MINDY3: variants seen among roughly 807,000 people sequenced by gnomAD.
The protein encoded by MINDY3 is MINDY lysine 48 deubiquitinase 3, also known as ubiquitin carboxyl-terminal hydrolase MINDY-3.
In MINDY3, 38 loss-of-function variants were observed where a neutral mutation model predicts 69.2. The ratio of observed to expected loss-of-function variants is 0.55; its 90% CI spans 0.42 to 0.72. MINDY3 has a LOEUF of 0.72. Among genes scored for constraint, MINDY3 ranks in the 30% least tolerant of loss-of-function variants. MINDY3 has a pLI of 0.00. For missense variants in MINDY3, 522 were observed against 519.0 expected, an observed-to-expected ratio of 1.01 and a Z score of -0.06; for synonymous variants, 192 against 180.1, an observed-to-expected ratio of 1.07 and a Z score of -0.53.
intron 11 of MINDY3, among the ~76,000 whole-genome samples, chr10:15,791,113 A>G (rs920951576): frequency 6.6e-5 from 10 of 152,304 alleles, no homozygotes; most frequent in Middle Eastern, 3.4e-3. Flanking sequence ...CCCGGTCAGT[A>G]ACTCTACATT....
chr10:15,796,562 A>AAAAT, intron 10 of MINDY3, among the ~76,000 whole-genome samples: 1 of 152,018 alleles, frequency 6.6e-6, no homozygotes, highest in East Asian at 1.9e-4. Flanking sequence ...AAGAAGAAAT[A>AAAAT]AAATATACTC....
intron 11 of MINDY3, among the ~76,000 whole-genome samples, chr10:15,793,999 T>A (rs2131872171): frequency 6.6e-6 from 1 of 152,206 alleles, no homozygotes; most frequent in Admixed American, 6.5e-5. Context: ...TAATTAGGAA[T>A]ATACCCACAG....
chr10:15,833,621 T>C lies in MINDY3; in HGVS notation c.730+9A>G, dbSNP rs769643453. ...TCAAAGAGAGCAACATAACAAGGAA[T>C]ATACTTACTCATTCCTGAGCACTCT... On this transcript the variant is annotated intron_variant, in intron 8 of 14. Coordinates refer to ENST00000277632, the MANE Select transcript of MINDY3 (RefSeq NM_024948.4). 2 of 1,532,022 alleles carry C rather than the reference T, an allele frequency of 1.3e-6. No homozygotes were observed. The highest frequency in any genetic ancestry group is 2.3e-5 in the East Asian group (1 of 44,318). The allele number at this position is 1,532,022 out of a possible 1,614,324, so 94.9% of individuals were successfully genotyped here. A position where few individuals can be genotyped will look rare whatever the true frequency, so the allele number is the denominator to read the frequency against.
At chr10:15,844,602 TG>T (rs1161577982) in intron 2 of MINDY3, among the ~76,000 whole-genome samples, 1 of 152,194 alleles carries the variant, frequency 6.6e-6, no homozygotes, top group Non-Finnish European at 1.5e-5. Flanking sequence ...GCAATTTTTT[TG>T]CTACTTTAAC....
Position 15,778,988 on chromosome 10 carries a change from C to T in MINDY3, c.*4G>A, listed in dbSNP as rs1295041758. On this transcript the variant is annotated 3_prime_UTR_variant, in exon 15 of 15. Coordinates refer to ENST00000277632, the MANE Select transcript of MINDY3 (RefSeq NM_024948.4). ...AAGATCTTCCTTATAAATACTTAGA[C>T]AAATTAATTTAGTGAAGGAGAGCGA... The T allele has an allele frequency of 2.5e-6, 4 of 1,611,294 alleles. No homozygotes were observed. Among genetic ancestry groups the T allele is most frequent in the Admixed American group, 1.7e-5 (1 of 59,712 alleles).
chr10:15,781,045 A>G (rs938387180), intron 14 of MINDY3, among the ~76,000 whole-genome samples: 2 of 152,158 alleles, frequency 1.3e-5, no homozygotes, highest in African/African-American at 4.8e-5. Context: ...AGTACCTCCT[A>G]TTACAAAGCT....
chr10:15,838,053 A>G, intron 5 of MINDY3, 175 bp downstream of exon 5: 2 of 983,122 alleles, frequency 2.0e-6, no homozygotes, highest in South Asian at 9.4e-5. Context: ...CATAGTTTAT[A>G]CATTTACAAA....
At chr10:15,782,025 T>G in intron 14 of MINDY3, 130 bp downstream of exon 14, 1 of 714,882 alleles carries the variant, frequency 1.4e-6, no homozygotes, top group Non-Finnish European at 2.4e-6. Flanking sequence ...TTCTAAAATG[T>G]GTCCTCATAG....
chr10:15,783,724 C>T (rs1054648181), intron 13 of MINDY3, among the ~76,000 whole-genome samples: 13 of 152,102 alleles, frequency 8.5e-5, no homozygotes, highest in African/African-American at 3.1e-4. Context: ...TTTTGTATCC[C>T]ACTCAAAATG....
At chr10:15,842,854 C>A (rs1175768737) in intron 3 of MINDY3, among the ~76,000 whole-genome samples, 5 of 130,908 alleles carry the variant, frequency 3.8e-5, no homozygotes, top group African/African-American at 1.4e-4. Context: ...CTAAAACATG[C>A]AGGAATATAA....
At chr10:15,780,155 A>G (rs1213064037) in intron 14 of MINDY3, among the ~76,000 whole-genome samples, 2 of 152,228 alleles carry the variant, frequency 1.3e-5, no homozygotes, top group African/African-American at 2.4e-5. Context: ...TTAAGGAGCC[A>G]AAAGAAACAA....
chr10:15,821,982 A>G (rs1839799955), intron 8 of MINDY3, among the ~76,000 whole-genome samples: 1 of 152,126 alleles, frequency 6.6e-6, no homozygotes, highest in African/African-American at 2.4e-5. Flanking sequence ...TTGATATTCA[A>G]TGTTAACTTT....
rs546644022 is a variant in MINDY3, at chr10:15,852,608, A to C, written c.95-4665T>G. 1.1e-3 allele frequency among the ~76,000 whole-genome samples: 170 copies of C among 152,340 alleles called. 1 individual carries two copies. Among genetic ancestry groups the C allele is most frequent in the African/African-American group, 3.9e-3 (161 of 41,584 alleles). On this transcript the variant is annotated intron_variant, in intron 1 of 14. Coordinates refer to ENST00000277632, the MANE Select transcript of MINDY3 (RefSeq NM_024948.4). The stretch of plus-strand genomic sequence containing the variant: ...AAAAATCAGAAGCAAAGAGTAGTCA[A>C]CTATTACAAATGCTGCTGAATAAAG...
intron 10 of MINDY3, among the ~76,000 whole-genome samples, chr10:15,801,722 C>T (rs1838272069): frequency 6.6e-6 from 1 of 152,054 alleles, no homozygotes. Flanking sequence ...GATTACAGTA[C>T]TGAAGAGGCC....
At chr10:15,830,551 T>C (rs1349128663) in intron 8 of MINDY3, among the ~76,000 whole-genome samples, 1 of 152,234 alleles carries the variant, frequency 6.6e-6, no homozygotes, top group African/African-American at 2.4e-5. Flanking sequence ...GTAATACATA[T>C]GTGAGATGGC....
chr10:15,793,945 T>C lies in MINDY3; in HGVS notation c.955+2155A>G, dbSNP rs146625460. Among the ~76,000 whole-genome samples, 1,482 of 152,224 alleles carry C rather than the reference T, an allele frequency of 9.7e-3. 27 individuals are homozygous for C. Among genetic ancestry groups the C allele is most frequent in the African/African-American group, 0.034 (1,414 of 41,546 alleles). On this transcript the variant is annotated intron_variant, in intron 11 of 14. Transcript: ENST00000277632. Reference sequence around the variant, plus strand: ...TTACACTATGGAAGATGTGGTCTCATAGAGGCAATGCTATAAATGGTGACT... The same window carrying C: ...TTACACTATGGAAGATGTGGTCTCACAGAGGCAATGCTATAAATGGTGACT...
At chr10:15,859,330 G>A (rs1377917767) in intron 1 of MINDY3, among the ~76,000 whole-genome samples, 2 of 152,006 alleles carry the variant, frequency 1.3e-5, no homozygotes, top group Admixed American at 6.5e-5. Context: ...TAATAATAGT[G>A]TTTTACATAC....
chr10:15,780,461 A>C (rs1836437301), intron 14 of MINDY3, among the ~76,000 whole-genome samples: 1 of 152,196 alleles, frequency 6.6e-6, no homozygotes, highest in Non-Finnish European at 1.5e-5. Flanking sequence ...TATTAAGTTA[A>C]ATACAATCGG....
At chr10:15,797,972 T>A (rs1237172199) in intron 10 of MINDY3, among the ~76,000 whole-genome samples, 2 of 152,132 alleles carry the variant, frequency 1.3e-5, no homozygotes, top group Admixed American at 6.6e-5. Context: ...CCATAACCTT[T>A]GAAATTCTGG....
Sources: gnomAD v4.1 joint callset for allele counts (sites outside exome capture counted in the v4.1 genomes callset) on GRCh38, gnomAD v4.1.1 for gene constraint, MANE v1.5 for transcripts, NCBI Gene and HGNC (gene_info 2026-07-23, HGNC 2026-07-21) for gene names.